FRMD6: variants seen among roughly 807,000 people sequenced by gnomAD.
The protein encoded by FRMD6 is FERM domain containing 6.
In FRMD6, 37 loss-of-function variants were observed where a neutral mutation model predicts 73.2. The ratio of observed to expected loss-of-function variants is 0.51; its 90% CI spans 0.39 to 0.66. FRMD6 has a LOEUF of 0.66. FRMD6 is among the 30% of genes least tolerant of loss of function. The pLI is 0.00. For synonymous variants in FRMD6, 273 were observed against 282.2 expected (o/e 0.97, Z 0.33); for missense variants, 714 against 780.5 (o/e 0.91, Z 1.02).
the FRMD6 span, among the ~76,000 whole-genome samples, chr14:51,476,394 C>A: frequency 6.6e-6 from 1 of 152,144 alleles, no homozygotes; most frequent in Admixed American, 6.5e-5. Context: ...CAGGAGAGAC[C>A]CCAACCTAAT....
At position 51,720,098 on chromosome 14, in the gene FRMD6, C is replaced by G. The variant is rs1897454576; in HGVS notation, c.1068C>G (p.Asp356Glu). 4 of 1,613,502 alleles carry G rather than the reference C, an allele frequency of 2.5e-6. No individual in the cohort carries two copies. The highest frequency in any genetic ancestry group is 1.7e-5 in the Admixed American group (1 of 59,990). ...AATCTTACATCAGTGACAACCTGGA[C>G]CTCGACATGGACCAGCTGGAAAAAC... ...YRESYISDNL[D>E]LDMDQLEKRS... The change falls in exon 11 of 14, where the codon GAC (aspartate) becomes GAG (glutamate). Residue 356 changes from aspartate (D) to glutamate (E), a missense_variant. Physicochemically the swap from Asp to Glu is conservative, Grantham distance 45. Coordinates refer to ENST00000344768, the MANE Select transcript of FRMD6 (RefSeq NM_001267046.2).
rs1482365255 is a variant in FRMD6, at chr14:51,654,503, CAACT to C, written c.-147+2512_-147+2515del. 1.1e-4 allele frequency among the ~76,000 whole-genome samples: 16 copies of C among 151,710 alleles called. No individual in the cohort carries two copies. In the South Asian group the frequency reaches 3.1e-3, roughly 30 times the overall value. On this transcript the variant is annotated intron_variant, in intron 1 of 13. Transcript: ENST00000344768. ...TTGAGTGTAAATGAGTCCTGTCTCACAACTAACTTTTTTGATAAAGGAATTCTTT... is the reference window on the plus strand; with the variant it reads ...TTGAGTGTAAATGAGTCCTGTCTCACAACTTTTTTGATAAAGGAATTCTTT...
At chr14:51,476,283 G>C in the FRMD6 span, among the ~76,000 whole-genome samples, 158 of 152,322 alleles carry the variant, frequency 1.0e-3, 1 homozygote, top group African/African-American at 3.7e-3. Flanking sequence ...GCCAACGCAT[G>C]CTGGGAGGGA....
Position 51,720,470 on chromosome 14 carries a change from G to A in FRMD6, c.1360+80G>A, listed in dbSNP as rs751481748. ...CATTGGTTCTATAGAACTGGTGTCT[G>A]GAGAGCAACTTTAGGCAGTAGTAAT... On this transcript the variant is annotated intron_variant, in intron 11 of 13. Transcript: ENST00000344768. 1.6e-5 allele frequency: 21 copies of A among 1,317,314 alleles called. No homozygotes were observed. In the South Asian group the frequency reaches 2.6e-4, roughly 16 times the overall value. 81.6% of individuals were successfully genotyped at this position (1,317,314 alleles called of 1,614,324 possible). A position where few individuals can be genotyped will look rare whatever the true frequency, so the allele number is the denominator to read the frequency against.
intron 1 of FRMD6, among the ~76,000 whole-genome samples, chr14:51,674,096 A>T (rs573892076): frequency 6.6e-6 from 1 of 152,300 alleles, no homozygotes; most frequent in African/African-American, 2.4e-5. Flanking sequence ...AGGGAGTTTC[A>T]GGATTTTGTC....
chr14:51,673,334 T>C (rs1322346095), intron 1 of FRMD6, among the ~76,000 whole-genome samples: 1 of 152,212 alleles, frequency 6.6e-6, no homozygotes, highest in African/African-American at 2.4e-5. Context: ...CTGAAGATCT[T>C]TGTACCTCTA....
intron 11 of FRMD6, among the ~76,000 whole-genome samples, 182 bp from the exon 12 acceptor site, chr14:51,721,767 G>GGAAGA (rs1566598632): frequency 6.7e-6 from 1 of 148,780 alleles, no homozygotes; most frequent in Non-Finnish European, 1.5e-5. Context: ...AGGAGGGAAG[G>GGAAGA]AGGGAAGGAG....
intron 2 of FRMD6, among the ~76,000 whole-genome samples, chr14:51,629,338 A>G (rs1891251264): frequency 6.6e-6 from 1 of 152,248 alleles, no homozygotes; most frequent in African/African-American, 2.4e-5. Context: ...GAACATTCAC[A>G]TACATGTCTT....
At chr14:51,645,374 C>T (rs1892017699) in intron 2 of FRMD6, among the ~76,000 whole-genome samples, 2 of 152,172 alleles carry the variant, frequency 1.3e-5, no homozygotes, top group African/African-American at 2.4e-5. Flanking sequence ...TTGGAGGCTG[C>T]ACCAAGTCCT....
intron 2 of FRMD6, among the ~76,000 whole-genome samples, chr14:51,692,142 C>G (rs1895632431): frequency 6.6e-6 from 1 of 152,134 alleles, no homozygotes; most frequent in Non-Finnish European, 1.5e-5. Context: ...ACTTTGTCAT[C>G]TTTTGGGCAG....
intron 1 of FRMD6, among the ~76,000 whole-genome samples, chr14:51,526,115 G>A (rs1885242814): frequency 6.6e-6 from 1 of 152,182 alleles, no homozygotes; most frequent in Non-Finnish European, 1.5e-5. Context: ...TCCTCGCCCA[G>A]GGCTGCCCTG....
chr14:51,445,028 A>C, the FRMD6 span, among the ~76,000 whole-genome samples: 2 of 152,158 alleles, frequency 1.3e-5, no homozygotes, highest in African/African-American at 4.8e-5. Flanking sequence ...TTGATCAACT[A>C]TTAATTTTTT....
At chr14:51,483,809 G>T in the FRMD6 span, among the ~76,000 whole-genome samples, 2 of 152,176 alleles carry the variant, frequency 1.3e-5, no homozygotes, top group Admixed American at 1.3e-4. Context: ...GAAAATGAAA[G>T]GTAATGAACA....
intron 1 of FRMD6, among the ~76,000 whole-genome samples, chr14:51,538,873 G>T (rs1886052523): frequency 6.6e-6 from 1 of 152,090 alleles, no homozygotes; most frequent in African/African-American, 2.4e-5. Flanking sequence ...TCTATTTTAG[G>T]ATTATCTTGT....
intron 2 of FRMD6, among the ~76,000 whole-genome samples, chr14:51,604,416 C>CATG (rs1391608733): frequency 6.6e-6 from 1 of 152,002 alleles, no homozygotes; most frequent in Non-Finnish European, 1.5e-5. Context: ...AGATTATTAT[C>CATG]ATTATTATTA....
intron 10 of FRMD6, 128 bp from the exon 11 acceptor site, chr14:51,719,927 A>G (rs1897439878): frequency 2.9e-6 from 2 of 691,360 alleles, no homozygotes; most frequent in Non-Finnish European, 4.8e-6. Context: ...TCCTATCTAA[A>G]TTATTACTAC....
the FRMD6 span, among the ~76,000 whole-genome samples, chr14:51,449,188 A>G: frequency 6.6e-6 from 1 of 152,126 alleles, no homozygotes; most frequent in Non-Finnish European, 1.5e-5. Flanking sequence ...GATATGCATG[A>G]CTTCAGAGGG....
chr14:51,635,695 T>C (rs1891524437), intron 2 of FRMD6, among the ~76,000 whole-genome samples: 2 of 152,198 alleles, frequency 1.3e-5, no homozygotes, highest in African/African-American at 2.4e-5. Context: ...TCTGTGTGTC[T>C]CCTATTACCT....
chr14:51,413,421 G>T, the FRMD6 span, among the ~76,000 whole-genome samples: 1 of 152,092 alleles, frequency 6.6e-6, no homozygotes, highest in Non-Finnish European at 1.5e-5. Flanking sequence ...TTGGTTTTCT[G>T]TCCTTGTGAT....
Sources: gnomAD v4.1 joint callset for allele counts (sites outside exome capture counted in the v4.1 genomes callset) on GRCh38, gnomAD v4.1.1 for gene constraint, MANE v1.5 for transcripts, NCBI Gene and HGNC (gene_info 2026-07-23, HGNC 2026-07-21) for gene names.